CXCL13: variants seen among roughly 807,000 people sequenced by gnomAD.
CXCL13 encodes C-X-C motif chemokine ligand 13, also known as C-X-C motif chemokine 13.
Under a neutral mutation model 12.2 loss-of-function variants are expected in CXCL13, and 7 were observed. That is an observed-to-expected ratio of 0.57 (90% confidence interval 0.33 to 1.07). The LOEUF is 1.07. Ranked by LOEUF, CXCL13 falls within the 50% of genes least tolerant of loss-of-function variation. The probability of loss-of-function intolerance (pLI) is 0.04; values close to 1 mark genes in which losing one functional copy is unlikely to be tolerated. For missense variants in CXCL13, 113 were observed against 127.4 expected, an observed-to-expected ratio of 0.89 and a Z score of 0.55; for synonymous variants, 47 against 42.4, an observed-to-expected ratio of 1.11 and a Z score of -0.42.
chr4:77,530,722 C>T (rs1045383924), intron 1 of CXCL13, among the ~76,000 whole-genome samples: 1 of 152,098 alleles, frequency 6.6e-6, no homozygotes, highest in African/African-American at 2.4e-5. Context: ...TTTCAAAAAA[C>T]CAGCTCCTGG....
At chr4:77,565,878 G>A (rs1473641919) in intron 1 of CXCL13, among the ~76,000 whole-genome samples, 1 of 152,214 alleles carries the variant, frequency 6.6e-6, no homozygotes, top group African/African-American at 2.4e-5. Context: ...CTAGGTGGAT[G>A]TGTAATTAGT....
At chr4:77,596,523 G>C (rs1208089369) in intron 1 of CXCL13, among the ~76,000 whole-genome samples, 1 of 152,146 alleles carries the variant, frequency 6.6e-6, no homozygotes, top group African/African-American at 2.4e-5. Flanking sequence ...AGTGGCTCAT[G>C]CCTGTAATCC....
Position 77,558,646 on chromosome 4 carries a change from C to G in CXCL13, c.-43+46858C>G, listed in dbSNP as rs1578053197. 2.0e-5 allele frequency among the ~76,000 whole-genome samples: 3 copies of G among 152,210 alleles called. No homozygotes were observed. In the South Asian group the frequency reaches 6.2e-4, roughly 32 times the overall value. On this transcript the variant is annotated intron_variant, in intron 1 of 4. Coordinates refer to the CXCL13 transcript ENST00000286758. The stretch of plus-strand genomic sequence containing the variant: ...GGAATTACAGGAATGCGCCACCGCA[C>G]TCAGCTGGAGTAAACCACTTCTGTA...
intron 1 of CXCL13, among the ~76,000 whole-genome samples, chr4:77,592,001 C>A (rs778920062): frequency 6.6e-6 from 1 of 152,166 alleles, no homozygotes; most frequent in African/African-American, 2.4e-5. Context: ...GACAAAGAAG[C>A]AACACCAAAA....
intron 1 of CXCL13, among the ~76,000 whole-genome samples, chr4:77,559,704 C>T (rs1490343916): frequency 2.0e-5 from 3 of 151,952 alleles, no homozygotes; most frequent in South Asian, 2.1e-4. Flanking sequence ...AGGCAGATCA[C>T]GAGGTCAGGA....
At chr4:77,544,923 A>G (rs1400263379) in intron 1 of CXCL13, among the ~76,000 whole-genome samples, 3 of 152,144 alleles carry the variant, frequency 2.0e-5, no homozygotes, top group African/African-American at 7.2e-5. Context: ...TAATTTTTGT[A>G]TAAGGGGTAA....
At chr4:77,536,801 T>C (rs759678745) in intron 1 of CXCL13, among the ~76,000 whole-genome samples, 11 of 152,202 alleles carry the variant, frequency 7.2e-5, no homozygotes, top group Non-Finnish European at 1.3e-4. Flanking sequence ...GCTTAGAAAT[T>C]CTTTAAAAAG....
intron 1 of CXCL13, among the ~76,000 whole-genome samples, chr4:77,516,417 G>A (rs201465750): frequency 6.6e-6 from 1 of 152,154 alleles, no homozygotes; most frequent in South Asian, 2.1e-4. Context: ...GTAGAATTCG[G>A]CTGTGAATCC....
intron 1 of CXCL13, among the ~76,000 whole-genome samples, chr4:77,556,500 A>T (rs1254301279): frequency 6.6e-6 from 1 of 152,184 alleles, no homozygotes; most frequent in Non-Finnish European, 1.5e-5. Context: ...GATAATGGAA[A>T]TGTCCTATAG....
intron 1 of CXCL13, among the ~76,000 whole-genome samples, chr4:77,574,500 G>A (rs867184479): frequency 2.0e-5 from 3 of 151,860 alleles, no homozygotes; most frequent in South Asian, 2.1e-4. Context: ...TAATAGCTAG[G>A]TAGAACATAT....
chr4:77,610,793 A>T, intron 3 of CXCL13, 99 bp downstream of exon 3: 1 of 986,262 alleles, frequency 1.0e-6, no homozygotes, highest in Non-Finnish European at 1.6e-6. Context: ...ATTTATGAGA[A>T]GTTCCTAAGA....
At chr4:77,569,710 T>C (rs1334656419) in intron 1 of CXCL13, among the ~76,000 whole-genome samples, 1 of 152,210 alleles carries the variant, frequency 6.6e-6, no homozygotes, top group African/African-American at 2.4e-5. Context: ...CCAAAGCAAT[T>C]GATAGATTCA....
In CXCL13 at chr4:77,573,302, G is replaced by T. The variant is rs1726131093; in HGVS notation, c.-42-32522G>T. Reference sequence around the variant, plus strand: ...TAATTTGAATCCACTTATATTTTATGAAATAGTTTGTGTTACTATCTCAAG... The same window carrying T: ...TAATTTGAATCCACTTATATTTTATTAAATAGTTTGTGTTACTATCTCAAG... On this transcript the variant is annotated intron_variant, in intron 1 of 4. Coordinates refer to the CXCL13 transcript ENST00000286758. 2.0e-5 allele frequency among the ~76,000 whole-genome samples: 3 copies of T among 150,606 alleles called. No homozygotes were observed. The South Asian group carries it at 6.3e-4, about 32-fold the overall frequency.
intron 1 of CXCL13, among the ~76,000 whole-genome samples, chr4:77,536,052 C>G (rs557281488): frequency 6.6e-6 from 1 of 152,302 alleles, no homozygotes; most frequent in East Asian, 1.9e-4. Context: ...CCCTCCCTCT[C>G]TCAATCTTCT....
At chr4:77,582,809 T>C (rs355684) in intron 1 of CXCL13, among the ~76,000 whole-genome samples, 41,420 of 152,088 alleles carry the variant, frequency 0.27, 5,775 homozygotes, top group South Asian at 0.36. Flanking sequence ...TAGTAAGTTA[T>C]TGACAGAGGG....
chr4:77,607,087 A>G (rs1727016689), intron 1 of CXCL13, among the ~76,000 whole-genome samples: 1 of 152,186 alleles, frequency 6.6e-6, no homozygotes, highest in African/African-American at 2.4e-5. Flanking sequence ...GATGGCAGAG[A>G]GTCTGATAGA....
chr4:77,549,022 C>T (rs1725441961), intron 1 of CXCL13, among the ~76,000 whole-genome samples: 2 of 152,172 alleles, frequency 1.3e-5, no homozygotes, highest in South Asian at 2.1e-4. Context: ...TTCTTGGATG[C>T]TTTGTTCATT....
At chr4:77,571,634 A>G (rs1451586153) in intron 1 of CXCL13, among the ~76,000 whole-genome samples, 4 of 151,778 alleles carry the variant, frequency 2.6e-5, no homozygotes, top group Non-Finnish European at 5.9e-5. Context: ...AAATGCACCA[A>G]TCAGTGCCCC....
intron 1 of CXCL13, among the ~76,000 whole-genome samples, chr4:77,548,223 G>A (rs1725423218): frequency 6.6e-6 from 1 of 152,184 alleles, no homozygotes; most frequent in African/African-American, 2.4e-5. Flanking sequence ...AAATGGAGAG[G>A]ACAAACCTCC....
Sources: allele counts gnomAD v4.1 joint callset (sites outside exome capture counted in the v4.1 genomes callset), GRCh38; gene constraint gnomAD v4.1.1; transcripts MANE v1.5; gene names NCBI Gene and HGNC (gene_info 2026-07-23, HGNC 2026-07-21).